The following SIDT1 variants were observed in gnomAD, a reference collection of about 807,000 sequenced individuals.
SIDT1 encodes the protein SID1 transmembrane family, member 1.
Under a neutral mutation model 107.5 loss-of-function variants are expected in SIDT1, and 101 were observed. The ratio of observed to expected loss-of-function variants is 0.94; its 90% CI spans 0.80 to 1.11. The LOEUF (loss-of-function observed/expected upper bound fraction) is 1.11. Ranked by LOEUF, SIDT1 falls within the 50% of genes least tolerant of loss-of-function variation. SIDT1 has a pLI of 0.00. For synonymous variants in SIDT1, 395 were observed against 398.2 expected (o/e 0.99, Z 0.10); for missense variants, 1,076 against 1,058.2 (o/e 1.02, Z -0.23).
rs1577007940 is a variant in SIDT1, at chr3:113,627,565, G to A, written c.2422-81G>A. On this transcript the variant is annotated intron_variant, in intron 24 of 24. Transcript: ENST00000264852. The stretch of plus-strand genomic sequence containing the variant: ...AGAGGGAACTAACAGTTTCCAGTCT[G>A]TGTGCATCTCAGAGAGAAAACAGGA... 4 of 1,338,976 alleles carry A rather than the reference G, an allele frequency of 3.0e-6. No individual in the cohort carries two copies. The East Asian group carries it at 6.9e-5, about 23-fold the overall frequency. The allele number at this position is 1,338,976 out of a possible 1,614,324, so 82.9% of individuals were successfully genotyped here.
In SIDT1 at chr3:113,623,994, A is replaced by G. The variant is rs6801899; in HGVS notation, c.2307+261A>G. The stretch of plus-strand genomic sequence containing the variant: ...CATGTTGTATTACGACGCTGGTCCC[A>G]GTGGATGCTTAACGCGGTCAAAAGC... On this transcript the variant is annotated intron_variant, in intron 23 of 24. Transcript: ENST00000264852. 1.6e-3 allele frequency among the ~76,000 whole-genome samples: 249 copies of G among 152,364 alleles called. No individual in the cohort carries two copies. The highest frequency in any genetic ancestry group is 5.8e-3 in the African/African-American group (243 of 41,582).
chr3:113,567,958 A>T, intron 3 of SIDT1: 1 of 401,414 alleles, frequency 2.5e-6, no homozygotes, highest in Non-Finnish European at 4.4e-6. Flanking sequence ...CAGTGTGAGG[A>T]ACCTGTCCAG....
Position 113,580,522 on chromosome 3 carries a change from T to C in SIDT1, c.562-86T>C, listed in dbSNP as rs150287380. On this transcript the variant is annotated intron_variant, in intron 4 of 24. Coordinates refer to ENST00000264852, the MANE Select transcript of SIDT1 (RefSeq NM_017699.3). ...TTCATTAATGGAGATTCACGGAGAT[T>C]TACGTATAAATTTTGTGCCTAATAG... 26 of 790,140 alleles carry C rather than the reference T, an allele frequency of 3.3e-5. No individual in the cohort carries two copies. The East Asian group carries it at 6.1e-4, about 19-fold the overall frequency. The allele number at this position is 790,140 out of a possible 1,614,324, so 48.9% of individuals were successfully genotyped here.
intron 1 of SIDT1, among the ~76,000 whole-genome samples, chr3:113,565,111 A>G (rs941093182): frequency 7.9e-5 from 12 of 152,228 alleles, no homozygotes; most frequent in African/African-American, 2.2e-4. Context: ...AGTTTTCAAG[A>G]GAATACTAAG....
At chr3:113,626,578 T>TTCCTCCTCC (rs756561839) in intron 24 of SIDT1, among the ~76,000 whole-genome samples, 1 of 151,512 alleles carries the variant, frequency 6.6e-6, no homozygotes, top group Admixed American at 6.6e-5. Context: ...CATACTCACA[T>TTCCTCCTCC]TCCTCCTCCT....
intron 20 of SIDT1, among the ~76,000 whole-genome samples, chr3:113,617,766 A>AT (rs926922775): frequency 6.6e-6 from 1 of 152,126 alleles, no homozygotes; most frequent in African/African-American, 2.4e-5. Flanking sequence ...TAGACTTTAT[A>AT]TTTTTTTAGA....
rs371637175 is a variant in SIDT1, at chr3:113,567,535, T to C, written c.345-5T>C. ...TATTTTTTTCCCCTATATTGGCTGC[T>C]TCAGATACCAGAGGAGCTACAACTA... On this transcript the variant is annotated splice_polypyrimidine_tract_variant and splice_region_variant and intron_variant, in intron 2 of 24. Transcript: ENST00000264852. The C allele has an allele frequency of 6.2e-7, 1 of 1,609,800 alleles. No individual in the cohort carries two copies.
chr3:113,612,075 T>G lies in SIDT1; in HGVS notation c.1858-11T>G. 1 of 1,606,538 alleles carries G rather than the reference T, an allele frequency of 6.2e-7. No homozygotes were observed. The highest frequency in any genetic ancestry group is 8.5e-7 in the Non-Finnish European group (1 of 1,173,292). ...ACCTCAGATGAAGGTAACTTCCATC[T>G]TTACTCCTAGGTGTTTGGAAAAAAT... On this transcript the variant is annotated splice_polypyrimidine_tract_variant and intron_variant, in intron 18 of 24. Coordinates refer to ENST00000264852, the MANE Select transcript of SIDT1 (RefSeq NM_017699.3).
chr3:113,598,376 A>C (rs745984017), intron 10 of SIDT1, among the ~76,000 whole-genome samples: 11 of 152,196 alleles, frequency 7.2e-5, no homozygotes, highest in Non-Finnish European at 1.2e-4. Context: ...TTGATTACAC[A>C]CACAGACAGA....
chr3:113,626,264 G>A (rs191871225), intron 24 of SIDT1, 49 bp downstream of exon 24: 1 of 1,259,106 alleles, frequency 7.9e-7, no homozygotes, highest in Non-Finnish European at 1.2e-6. Flanking sequence ...TTTACATCTT[G>A]TACTCTCTTT....
In SIDT1 at chr3:113,571,019, C is replaced by T. The variant is rs568441230; in HGVS notation, c.515+3309C>T. Among the ~76,000 whole-genome samples the T allele has an allele frequency of 1.6e-4, 25 of 152,332 alleles. No individual in the cohort carries two copies. In the South Asian group the frequency reaches 4.1e-3, roughly 25 times the overall value. ...ATTGTACTTCTGACTCCCAGTTCTG[C>T]GCTCTTCTCGCCATAATGAACTATT... On this transcript the variant is annotated intron_variant, in intron 3 of 24. Coordinates refer to ENST00000264852, the MANE Select transcript of SIDT1 (RefSeq NM_017699.3).
intron 10 of SIDT1, among the ~76,000 whole-genome samples, chr3:113,597,001 C>T (rs1256619284): frequency 6.6e-6 from 1 of 152,148 alleles, no homozygotes; most frequent in Non-Finnish European, 1.5e-5. Context: ...ACTCAAGGAA[C>T]GCAGGCCATT....
At chr3:113,569,847 T>C (rs764045154) in intron 3 of SIDT1, among the ~76,000 whole-genome samples, 9 of 152,220 alleles carry the variant, frequency 5.9e-5, no homozygotes, top group Non-Finnish European at 1.3e-4. Context: ...GTTTCTAACA[T>C]GCAGCCAGTG....
chr3:113,608,336 C>A, intron 16 of SIDT1, 83 bp from the exon 17 acceptor site: 2 of 1,537,048 alleles, frequency 1.3e-6, no homozygotes, highest in Non-Finnish European at 1.8e-6. Context: ...CTACATGAGG[C>A]CAGAAGCATG....
Position 113,608,417 on chromosome 3 carries a change from A to T in SIDT1, c.1603-2A>T. On this transcript the variant is annotated splice_acceptor_variant, in intron 16 of 24. Coordinates refer to ENST00000264852, the MANE Select transcript of SIDT1 (RefSeq NM_017699.3). LOFTEE classifies it high-confidence loss of function. ...TATTGACCACCCTTTCTCCTTTTTC[A>T]GGAGTACGGGATTCCCAAACACTTT... 1.9e-6 allele frequency: 3 copies of T among 1,607,074 alleles called. No homozygotes were observed. Among genetic ancestry groups the T allele is most frequent in the Non-Finnish European group, 2.6e-6 (3 of 1,173,904 alleles).
At chr3:113,608,376 G>A (rs1442046145) in intron 16 of SIDT1, 43 bp from the exon 17 acceptor site, 1 of 1,539,104 alleles carries the variant, frequency 6.5e-7, no homozygotes, top group Non-Finnish European at 9.0e-7. Context: ...TGGTGGATAT[G>A]GCACTATTTA....
intron 24 of SIDT1, among the ~76,000 whole-genome samples, chr3:113,626,841 G>T (rs1161221944): frequency 6.6e-6 from 1 of 152,062 alleles, no homozygotes; most frequent in African/African-American, 2.4e-5. Flanking sequence ...CTGTAGGCAG[G>T]TTCAATTGAC....
intron 1 of SIDT1, among the ~76,000 whole-genome samples, chr3:113,534,484 T>C (rs1408558617): frequency 1.3e-5 from 2 of 152,196 alleles, no homozygotes; most frequent in Non-Finnish European, 2.9e-5. Context: ...ACCTTCAGGT[T>C]ATATGTTCTG....
chr3:113,556,144 A>C (rs995660178), intron 1 of SIDT1, among the ~76,000 whole-genome samples: 5 of 152,210 alleles, frequency 3.3e-5, no homozygotes, highest in Non-Finnish European at 7.4e-5. Context: ...CCTAGCTAGT[A>C]GGTGTTAGTG....
Sources: allele counts gnomAD v4.1 joint callset (sites outside exome capture counted in the v4.1 genomes callset), GRCh38; gene constraint gnomAD v4.1.1; transcripts MANE v1.5; gene names NCBI Gene and HGNC (gene_info 2026-07-23, HGNC 2026-07-21).